The following BRWD1 variants were observed in gnomAD, a reference collection of about 807,000 sequenced individuals.
The protein encoded by BRWD1 is bromodomain and WD repeat-containing protein 1.
In BRWD1, 82 loss-of-function variants were observed where a neutral mutation model predicts 251.2. The observed-to-expected ratio is 0.33, with a 90% CI of 0.27 to 0.39. The LOEUF is 0.39. BRWD1 is among the 10% of genes least tolerant of loss of function. BRWD1 has a pLI of 1.00. For synonymous variants in BRWD1, 918 were observed against 902.8 expected (o/e 1.02, Z -0.30); for missense variants, 2,233 against 2,711.6 (o/e 0.82, Z 3.92).
intron 40 of BRWD1, 44 bp downstream of exon 40, chr21:39,198,719 T>C: frequency 6.7e-7 from 1 of 1,484,734 alleles, no homozygotes; most frequent in Middle Eastern, 2.3e-4. Context: ...GAGAAAAGGA[T>C]GGTGAGAGTC....
intron 29 of BRWD1, among the ~76,000 whole-genome samples, 162 bp from the exon 30 acceptor site, chr21:39,218,822 A>G (rs995836025): frequency 2.6e-5 from 4 of 152,220 alleles, no homozygotes; most frequent in Admixed American, 6.5e-5. Flanking sequence ...ATTGAGATTA[A>G]CAAATTGCTT....
upstream of BRWD1, chr21:39,314,444 A>C (rs1325615183): frequency 2.4e-6 from 1 of 409,154 alleles, no homozygotes; most frequent in African/African-American, 2.1e-5. Flanking sequence ...CTGTGGGGAG[A>C]GGGTGGTGCA....
Position 39,194,822 on chromosome 21 carries a change from T to C in BRWD1, c.*1437A>G. On this transcript the variant is annotated 3_prime_UTR_variant, in exon 41 of 41. Coordinates refer to ENST00000342449, the MANE Select transcript of BRWD1 (RefSeq NM_033656.4). ...TTGATACCAGTCTGATGCTTCACCT[T>C]ATCTGCCACTTCAAAGATACACAGG... 2 of 1,534,400 alleles carry C rather than the reference T, an allele frequency of 1.3e-6. No individual in the cohort carries two copies. Among genetic ancestry groups the C allele is most frequent in the African/African-American group, 1.4e-5 (1 of 73,064 alleles).
In BRWD1 at chr21:39,274,428, A is replaced by G. The variant is rs1179265398; in HGVS notation, c.1190T>C (p.Phe397Ser). The change falls in exon 13 of 41, where the codon TTT (phenylalanine) becomes TCT (serine). Residue 397 changes from phenylalanine (F) to serine (S), a missense_variant. Coordinates refer to ENST00000342449, the MANE Select transcript of BRWD1 (RefSeq NM_033656.4). Reference sequence around the variant, plus strand: ...AATGCTCCTCCATTCTAACTGCTCAAATCTCCAAATCCGTGCTGTTCCATC... The same window carrying G: ...AATGCTCCTCCATTCTAACTGCTCAGATCTCCAAATCCGTGCTGTTCCATC... ...SRDGTARIWRFEQLEWRSILL... is the reference protein window; with the variant it reads ...SRDGTARIWRSEQLEWRSILL... 1.9e-6 allele frequency: 3 copies of G among 1,613,908 alleles called. No homozygotes were observed. The highest frequency in any genetic ancestry group is 2.5e-6 in the Non-Finnish European group (3 of 1,179,992).
chr21:39,264,446 A>G lies in BRWD1; in HGVS notation c.1885+14T>C, dbSNP rs1568929685. 14 of 1,431,812 alleles carry G rather than the reference A, an allele frequency of 9.8e-6. No homozygotes were observed. The highest frequency in any genetic ancestry group is 1.5e-5 in the African/African-American group (1 of 66,820). The allele number at this position is 1,431,812 out of a possible 1,614,324, so 88.7% of individuals were successfully genotyped here. A position where few individuals can be genotyped will look rare whatever the true frequency, so the allele number is the denominator to read the frequency against. On this transcript the variant is annotated intron_variant, in intron 17 of 40. Coordinates refer to ENST00000342449, the MANE Select transcript of BRWD1 (RefSeq NM_033656.4). ...ACAACTTTAAAAAAAAAAAAAAAAA[A>G]AGACTGCACTTACTTGTTGCCACAT...
At chr21:39,298,220 A>G (rs2146761779) in intron 5 of BRWD1, 2 of 1,204,656 alleles carry the variant, frequency 1.7e-6, no homozygotes, top group Non-Finnish European at 1.0e-6. Flanking sequence ...CTTAACATCT[A>G]TATCTTTATC....
In BRWD1 at chr21:39,198,931, C is replaced by T; in HGVS notation, c.5485G>A (p.Glu1829Lys). ...LSDSEDSESE[E>K]QDREDGKCHK... ...CATTTCCCATCTTCTCTATCTTGCT[C>T]TTCAGATTCAGAGTCTTCTGAGTCA... Residue 1829 changes from glutamate to lysine, a missense_variant, in exon 40 of 41, where the codon GAG becomes AAG. Around this residue, in one of 12 missense-constraint regions of BRWD1, gnomAD observed 928 missense variants for 970.0 expected, o/e 0.96. Transcript: ENST00000342449. The T allele has an allele frequency of 1.9e-6, 3 of 1,614,080 alleles. No homozygotes were observed.
chr21:39,198,713 A>G lies in BRWD1; in HGVS notation c.5653+50T>C, dbSNP rs777760260. The G allele has an allele frequency of 9.5e-6, 14 of 1,476,756 alleles. No homozygotes were observed. In the African/African-American group the frequency reaches 1.6e-4, roughly 16 times the overall value. The allele number at this position is 1,476,756 out of a possible 1,614,324, so 91.5% of individuals were successfully genotyped here. On this transcript the variant is annotated intron_variant, in intron 40 of 40. Coordinates refer to ENST00000342449, the MANE Select transcript of BRWD1 (RefSeq NM_033656.4). ...GGAAAAAACCAATGTGTGTAAGAGA[A>G]AAGGATGGTGAGAGTCAATCAGTGA...
At position 39,192,676 on chromosome 21, in the gene BRWD1, T is replaced by C. The variant is rs1415329320; in HGVS notation, c.*3583A>G. The stretch of plus-strand genomic sequence containing the variant: ...AAGAATGGAGCTGGTTATTTCAGCT[T>C]TAAAAGGGCAAAGCAAAAAGACCAT... On this transcript the variant is annotated 3_prime_UTR_variant, in exon 41 of 41. Coordinates refer to ENST00000342449, the MANE Select transcript of BRWD1 (RefSeq NM_033656.4). The C allele has an allele frequency of 2.0e-6, 2 of 985,012 alleles. No homozygotes were observed. The highest frequency in any genetic ancestry group is 3.5e-5 in the African/African-American group (2 of 57,196). The allele number at this position is 985,012 out of a possible 1,614,324, so 61.0% of individuals were successfully genotyped here.
intron 23 of BRWD1, among the ~76,000 whole-genome samples, chr21:39,233,341 T>C (rs148305777): frequency 2.6e-5 from 4 of 152,178 alleles, no homozygotes; most frequent in Admixed American, 2.6e-4. Flanking sequence ...TATGCAACGT[T>C]TGCCATGTAA....
Position 39,191,298 on chromosome 21 carries a change from C to A in BRWD1, c.*4961G>T, listed in dbSNP as rs1187616043. The A allele has an allele frequency of 1.4e-5, 14 of 985,182 alleles. No individual in the cohort carries two copies. Among genetic ancestry groups the A allele is most frequent in the Non-Finnish European group, 1.7e-5 (14 of 829,910 alleles). 61.0% of individuals were successfully genotyped at this position (985,182 alleles called of 1,614,324 possible). On this transcript the variant is annotated 3_prime_UTR_variant, in exon 41 of 41. Coordinates refer to ENST00000342449, the MANE Select transcript of BRWD1 (RefSeq NM_033656.4). ...CTCACAGCGCTCGCACCCCTATATT[C>A]TGCCTGCATGAAAAGAAATTACCAG...
upstream of BRWD1, chr21:39,315,877 T>A (rs2036693330): frequency 6.6e-6 from 1 of 151,938 alleles, no homozygotes; most frequent in Non-Finnish European, 1.5e-5. Context: ...TGCCTGTGCG[T>A]GGGGGAAATG....
At chr21:39,286,260 T>C (rs2035635386) in intron 8 of BRWD1, among the ~76,000 whole-genome samples, 1 of 151,946 alleles carries the variant, frequency 6.6e-6, no homozygotes, top group Non-Finnish European at 1.5e-5. Flanking sequence ...CCTCGTGATC[T>C]GCCCGCCTCG....
In BRWD1 at chr21:39,280,240, C is replaced by A. The variant is rs151145375; in HGVS notation, c.840G>T (p.Pro280=). The A allele has an allele frequency of 2.6e-5, 42 of 1,603,616 alleles. No individual in the cohort carries two copies. The highest frequency in any genetic ancestry group is 3.3e-5 in the Non-Finnish European group (39 of 1,176,384). ...TGTATCTTTGAGAGCCTTTGGCCAT[C>A]GGGCTAAACTAAAAAGTAAAACATA... ...TGSITSLQFS[P]MAKGSQRYMV... The change falls in exon 9 of 41, where the codon CCG becomes CCT. Residue 280 remains proline, a synonymous_variant. Transcript: ENST00000342449.
intron 23 of BRWD1, among the ~76,000 whole-genome samples, chr21:39,234,421 A>G (rs1385819234): frequency 6.6e-6 from 1 of 152,236 alleles, no homozygotes; most frequent in Non-Finnish European, 1.5e-5. Context: ...TTAAAGCAAC[A>G]TTTGAGACAA....
intron 23 of BRWD1, among the ~76,000 whole-genome samples, chr21:39,233,087 G>C (rs1437731492): frequency 2.0e-5 from 3 of 152,090 alleles, no homozygotes; most frequent in Non-Finnish European, 2.9e-5. Context: ...CATTCACTCT[G>C]AGGAAAATCA....
chr21:39,184,926 T>C (rs944133006), downstream of BRWD1: 4 of 152,132 alleles, frequency 2.6e-5, no homozygotes, highest in Admixed American at 6.5e-5. Flanking sequence ...TTTTGTTAAT[T>C]TGTCATTTTT....
At position 39,202,537 on chromosome 21, in the gene BRWD1, T is replaced by C. The variant is rs747828136; in HGVS notation, c.4373A>G (p.Lys1458Arg). ...SQPNKSIRNL[K>R]PKRLKSQTKI... ...TGTCTGAGATTTTAACCTCTTCGGC[T>C]TGAGGTTTCTGGCCAAACATATGAA... The change falls in exon 38 of 41, where the codon AAG becomes AGG. Residue 1458 changes from lysine to arginine, a missense_variant. This residue lies in a region of BRWD1 where 928 missense variants were observed against 970.0 expected (regional missense o/e 0.96). Transcript: ENST00000342449. The C allele has an allele frequency of 6.8e-6, 11 of 1,607,672 alleles. 1 individual carries two copies. The South Asian group carries it at 9.9e-5, about 14-fold the overall frequency.
At position 39,190,102 on chromosome 21, in the gene BRWD1, C is replaced by G. The variant is rs2031469322; in HGVS notation, c.*6157G>C. 1 of 985,194 alleles carries G rather than the reference C, an allele frequency of 1.0e-6. No homozygotes were observed. The highest frequency in any genetic ancestry group is 1.7e-5 in the African/African-American group (1 of 57,222). 61.0% of individuals were successfully genotyped at this position (985,194 alleles called of 1,614,324 possible). A position where few individuals can be genotyped will look rare whatever the true frequency, so the allele number is the denominator to read the frequency against. ...CCTGGATGACCACTTTAAATTATAA[C>G]TCACAGATATGTGTGTATTCTAAGA... On this transcript the variant is annotated 3_prime_UTR_variant, in exon 41 of 41. Transcript: ENST00000342449.
Sources: gnomAD v4.1 joint callset for allele counts (sites outside exome capture counted in the v4.1 genomes callset) on GRCh38, gnomAD v4.1.1 for gene constraint, gnomAD v4.1.1 regional missense constraint, MANE v1.5 for transcripts, NCBI Gene and HGNC (gene_info 2026-07-23, HGNC 2026-07-21) for gene names.